The following PDSS2 variants were observed in gnomAD, a reference collection of about 807,000 sequenced individuals.
PDSS2 encodes the protein decaprenyl diphosphate synthase subunit 2.
Under a neutral mutation model 44.5 loss-of-function variants are expected in PDSS2, and 31 were observed. The observed-to-expected ratio is 0.70, with a 90% confidence interval of 0.52 to 0.94. The LOEUF (loss-of-function observed/expected upper bound fraction) is 0.94, where lower values mean the gene tolerates loss of function less well. PDSS2 is among the 40% of genes least tolerant of loss of function. The pLI, the probability that PDSS2 is intolerant of heterozygous loss-of-function variation, is 0.00. For synonymous variants in PDSS2, 157 were observed against 180.3 expected, an observed-to-expected ratio of 0.87 and a Z score of 1.03; for missense variants, 452 against 482.2, an observed-to-expected ratio of 0.94 and a Z score of 0.59.
At chr6:107,258,240 A>G (rs1469645962) in intron 3 of PDSS2, among the ~76,000 whole-genome samples, 2 of 152,180 alleles carry the variant, frequency 1.3e-5, no homozygotes, top group East Asian at 1.9e-4. Context: ...CTCTGATTTT[A>G]TATAAGATAT....
At chr6:107,237,756 C>T (rs377052098) in intron 4 of PDSS2, among the ~76,000 whole-genome samples, 2 of 151,480 alleles carry the variant, frequency 1.3e-5, no homozygotes, top group African/African-American at 2.4e-5. Flanking sequence ...AAATACAAGG[C>T]GCTGTGGTGC....
At chr6:107,405,158 T>C (rs1170345981) in intron 1 of PDSS2, among the ~76,000 whole-genome samples, 1 of 150,976 alleles carries the variant, frequency 6.6e-6, no homozygotes, top group Non-Finnish European at 1.5e-5. Context: ...AAAAAAACTG[T>C]CAACTACAAA....
At chr6:107,283,345 A>G (rs1188433829) in intron 2 of PDSS2, among the ~76,000 whole-genome samples, 1 of 150,112 alleles carries the variant, frequency 6.7e-6, no homozygotes, top group Non-Finnish European at 1.5e-5. Flanking sequence ...AAAAAGAAAA[A>G]AAGAAAAAAA....
chr6:107,232,450 T>A (rs138955642), intron 4 of PDSS2, among the ~76,000 whole-genome samples: 1 of 152,344 alleles, frequency 6.6e-6, no homozygotes, highest in East Asian at 1.9e-4. Context: ...GGAATGTTTT[T>A]TCCCCCCAAC....
chr6:107,451,018 G>C (rs1264134256), intron 1 of PDSS2, among the ~76,000 whole-genome samples: 3 of 152,176 alleles, frequency 2.0e-5, no homozygotes, highest in Admixed American at 2.0e-4. Flanking sequence ...ATTTTGTAGA[G>C]ACAGCATTTT....
At chr6:107,371,887 G>C (rs1199630858) in intron 1 of PDSS2, among the ~76,000 whole-genome samples, 1 of 152,190 alleles carries the variant, frequency 6.6e-6, no homozygotes, top group Non-Finnish European at 1.5e-5. Context: ...ATTATCTCAT[G>C]TAATCTTTAT....
At chr6:107,188,348 C>T (rs1228841758) in intron 7 of PDSS2, among the ~76,000 whole-genome samples, 4 of 149,024 alleles carry the variant, frequency 2.7e-5, no homozygotes, top group Admixed American at 2.7e-4. Context: ...CACTGCACTC[C>T]AATTTGGGTG....
At chr6:107,433,874 C>T (rs577256137) in intron 1 of PDSS2, among the ~76,000 whole-genome samples, 13 of 152,192 alleles carry the variant, frequency 8.5e-5, no homozygotes, top group Non-Finnish European at 1.9e-4. Flanking sequence ...CTCTATCCAT[C>T]TGGCAAAGGA....
At chr6:107,412,817 C>T (rs1360291159) in intron 1 of PDSS2, among the ~76,000 whole-genome samples, 2 of 151,944 alleles carry the variant, frequency 1.3e-5, no homozygotes, top group Admixed American at 6.6e-5. Context: ...AATCTCTGAC[C>T]CATGTAAAAT....
intron 2 of PDSS2, among the ~76,000 whole-genome samples, chr6:107,281,734 G>A (rs1456724143): frequency 1.3e-5 from 2 of 152,058 alleles, no homozygotes; most frequent in African/African-American, 2.4e-5. Context: ...GTGCATGAAA[G>A]CCTTTGAATA....
chr6:107,253,542 G>T (rs1355148985), intron 3 of PDSS2, among the ~76,000 whole-genome samples: 1 of 152,140 alleles, frequency 6.6e-6, no homozygotes, highest in East Asian at 1.9e-4. Flanking sequence ...AAGACCTTGG[G>T]CCAACCATGT....
intron 7 of PDSS2, among the ~76,000 whole-genome samples, chr6:107,184,391 A>G (rs965154142): frequency 1.3e-5 from 2 of 152,240 alleles, no homozygotes; most frequent in Non-Finnish European, 2.9e-5. Flanking sequence ...TCTGGACTCA[A>G]TATGCAGAAA....
intron 2 of PDSS2, among the ~76,000 whole-genome samples, chr6:107,333,511 A>C (rs1221008356): frequency 6.6e-6 from 1 of 152,172 alleles, no homozygotes; most frequent in African/African-American, 2.4e-5. Flanking sequence ...CAGTAGCATC[A>C]ATCTTTATAC....
At chr6:107,402,470 A>ACG (rs1780153295) in intron 1 of PDSS2, among the ~76,000 whole-genome samples, 2 of 137,064 alleles carry the variant, frequency 1.5e-5, no homozygotes, top group East Asian at 4.3e-4. Context: ...ATACGTATAT[A>ACG]TATGTATACA....
chr6:107,181,388 C>T (rs1286361632), intron 7 of PDSS2, among the ~76,000 whole-genome samples: 1 of 150,902 alleles, frequency 6.6e-6, no homozygotes, highest in African/African-American at 2.4e-5. Context: ...CAAAATGTAG[C>T]CTGGCATGGC....
At chr6:107,341,670 T>A (rs1582964461) in intron 1 of PDSS2, among the ~76,000 whole-genome samples, 2 of 152,240 alleles carry the variant, frequency 1.3e-5, no homozygotes, top group East Asian at 3.9e-4. Flanking sequence ...ACATGGATAA[T>A]GAAGTATGTA....
chr6:107,409,483 A>C (rs1475122967), intron 1 of PDSS2, among the ~76,000 whole-genome samples: 4 of 152,200 alleles, frequency 2.6e-5, no homozygotes, highest in Non-Finnish European at 5.9e-5. Flanking sequence ...ACAGAAGTCA[A>C]GAATAGTACA....
intron 1 of PDSS2, among the ~76,000 whole-genome samples, chr6:107,449,236 T>C (rs893484314): frequency 1.3e-5 from 2 of 152,234 alleles, no homozygotes; most frequent in African/African-American, 4.8e-5. Flanking sequence ...ATGATATAAA[T>C]GTTATATAAA....
At chr6:107,396,227 T>C (rs887016437) in intron 1 of PDSS2, among the ~76,000 whole-genome samples, 3 of 152,164 alleles carry the variant, frequency 2.0e-5, no homozygotes, top group Non-Finnish European at 4.4e-5. Flanking sequence ...ACTTTTTTTT[T>C]CCATAGCTCC....
Sources: allele counts gnomAD v4.1 joint callset (sites outside exome capture counted in the v4.1 genomes callset), GRCh38; gene constraint gnomAD v4.1.1; transcripts MANE v1.5; gene names NCBI Gene and HGNC (gene_info 2026-07-23, HGNC 2026-07-21).